POLR3B: variants seen among roughly 807,000 people sequenced by gnomAD.
The protein encoded by POLR3B is RNA polymerase III subunit B, also known as DNA-directed RNA polymerase III subunit RPC2.
A neutral mutation model predicts 147.4 loss-of-function variants in POLR3B; 96 were observed. The observed-to-expected ratio is 0.65, with a 90% CI of 0.55 to 0.77. The LOEUF (loss-of-function observed/expected upper bound fraction) is 0.77, where lower values mean the gene tolerates loss of function less well. Among genes scored for constraint, POLR3B ranks in the 30% least tolerant of loss-of-function variants. POLR3B has a pLI of 0.00. For synonymous variants in POLR3B, 461 were observed against 485.9 expected (o/e 0.95, Z 0.67); for missense variants, 1,036 against 1,413.5 (o/e 0.73, Z 4.28).
chr12:106,480,474 C>T (rs2038250752), intron 23 of POLR3B, among the ~76,000 whole-genome samples: 1 of 152,110 alleles, frequency 6.6e-6, no homozygotes, highest in South Asian at 2.1e-4. Flanking sequence ...AGCTGACCTC[C>T]AGGAGTCAGG....
chr12:106,497,032 C>G (rs548375623), intron 25 of POLR3B, 114 bp downstream of exon 25: 1 of 1,050,388 alleles, frequency 9.5e-7, no homozygotes, highest in African/African-American at 1.6e-5. Context: ...TTGTACAGCC[C>G]GTGGGCGGCA....
chr12:106,460,461 A>G (rs916193039), intron 22 of POLR3B, among the ~76,000 whole-genome samples: 5 of 152,218 alleles, frequency 3.3e-5, no homozygotes, highest in African/African-American at 9.6e-5. Flanking sequence ...ATTTGAAGTC[A>G]TGCAATCTGG....
At chr12:106,381,094 T>G (rs781344377) in intron 9 of POLR3B, among the ~76,000 whole-genome samples, 1 of 152,232 alleles carries the variant, frequency 6.6e-6, no homozygotes, top group Non-Finnish European at 1.5e-5. Context: ...CAGTGAGTTA[T>G]AGTCTTTTTA....
intron 1 of POLR3B, among the ~76,000 whole-genome samples, chr12:106,360,997 G>T (rs1196557190): frequency 6.6e-6 from 1 of 152,176 alleles, no homozygotes; most frequent in Non-Finnish European, 1.5e-5. Context: ...AAGCATTCCA[G>T]ATAGAAGGAG....
At chr12:106,477,891 C>CCTTTTTTTTTTTTTTTTT (rs1565909279) in intron 23 of POLR3B, among the ~76,000 whole-genome samples, 2 of 70,478 alleles carry the variant, frequency 2.8e-5, no homozygotes, top group Non-Finnish European at 5.0e-5. Flanking sequence ...GGCTCCTCCC[C>CCTTTTTTTTTTTTTTTTT]TTTTTTTTTT....
chr12:106,488,458 T>C (rs553494120), intron 23 of POLR3B, among the ~76,000 whole-genome samples: 50 of 152,334 alleles, frequency 3.3e-4, no homozygotes, highest in African/African-American at 1.0e-3. Flanking sequence ...TTTAAATTCA[T>C]TTGGGGAGAA....
rs144344778 is a variant in POLR3B, at chr12:106,500,529, G to A, written c.2985-794G>A. ...CCACGGTATCAAAAGGGGCAAGTGC[G>A]CCAAAGGGTCAGGTTGAGACAGGGC... On this transcript the variant is annotated intron_variant, in intron 25 of 27. Transcript: ENST00000228347. 5.7e-3 allele frequency among the ~76,000 whole-genome samples: 872 copies of A among 152,296 alleles called. 8 individuals are homozygous for A. Among genetic ancestry groups the A allele is most frequent in the African/African-American group, 0.02 (816 of 41,544 alleles).
chr12:106,418,265 A>T (rs2037331991), intron 12 of POLR3B, among the ~76,000 whole-genome samples: 1 of 152,132 alleles, frequency 6.6e-6, no homozygotes, highest in Non-Finnish European at 1.5e-5. Context: ...CTTTGTCTGC[A>T]AATTTTTTGT....
Position 106,357,836 on chromosome 12 carries a change from C to A in POLR3B, c.-44C>A. The stretch of plus-strand genomic sequence containing the variant: ...TGCAGTTTGCTTGGTGCAGGGAAGG[C>A]GGGCGCGGAGGTTCTATCTGTTTCT... On this transcript the variant is annotated 5_prime_UTR_variant, in exon 1 of 28. Transcript: ENST00000228347. The A allele has an allele frequency of 6.3e-7, 1 of 1,583,314 alleles. No homozygotes were observed. The highest frequency in any genetic ancestry group is 8.6e-7 in the Non-Finnish European group (1 of 1,158,842).
intron 4 of POLR3B, among the ~76,000 whole-genome samples, chr12:106,369,028 A>G (rs2036568496): frequency 6.6e-6 from 1 of 152,054 alleles, no homozygotes; most frequent in African/African-American, 2.4e-5. Flanking sequence ...AGGGAGCTGT[A>G]TTTCCAGTAT....
intron 23 of POLR3B, among the ~76,000 whole-genome samples, chr12:106,494,601 G>A (rs1040483963): frequency 1.3e-5 from 2 of 152,160 alleles, no homozygotes; most frequent in Non-Finnish European, 2.9e-5. Context: ...AGATTTCCCA[G>A]TAGCCCTAGG....
chr12:106,394,664 A>T (rs2036957540), intron 10 of POLR3B, among the ~76,000 whole-genome samples: 1 of 152,190 alleles, frequency 6.6e-6, no homozygotes, highest in African/African-American at 2.4e-5. Flanking sequence ...GTAGGTTGGA[A>T]AATCATTCAT....
chr12:106,361,347 C>T (rs1477523554), intron 1 of POLR3B, among the ~76,000 whole-genome samples: 5 of 152,218 alleles, frequency 3.3e-5, no homozygotes, highest in South Asian at 2.1e-4. Flanking sequence ...TTAGGACTCC[C>T]GGGTATCTAA....
chr12:106,466,901 GTTC>G (rs1481027992), intron 23 of POLR3B, among the ~76,000 whole-genome samples: 2 of 152,180 alleles, frequency 1.3e-5, no homozygotes, highest in African/African-American at 4.8e-5. Flanking sequence ...CTCCAGCTTT[GTTC>G]TTCTTGCCCA....
Position 106,372,191 on chromosome 12 carries a change from A to C in POLR3B, c.404+2508A>C, listed in dbSNP as rs368649700. Among the ~76,000 whole-genome samples the C allele has an allele frequency of 2.6e-5, 4 of 152,274 alleles. No individual in the cohort carries two copies. The East Asian group carries it at 7.7e-4, about 29-fold the overall frequency. ...TGTACTTGGTTAGAAATCAAACAGT[A>C]CATAAAAACATTTGATTCAAAACAG... On this transcript the variant is annotated intron_variant, in intron 6 of 27. Transcript: ENST00000228347.
intron 10 of POLR3B, among the ~76,000 whole-genome samples, chr12:106,393,527 G>A (rs1019245152): frequency 2.8e-5 from 4 of 143,318 alleles, no homozygotes; most frequent in African/African-American, 7.6e-5. Flanking sequence ...GTGTGTGTGT[G>A]TGTATGTGTG....
chr12:106,408,695 CCT>C (rs2037181635), intron 11 of POLR3B, among the ~76,000 whole-genome samples: 1 of 152,120 alleles, frequency 6.6e-6, no homozygotes, highest in Non-Finnish European at 1.5e-5. Flanking sequence ...TTTTTCTCCC[CCT>C]CTTTCACATA....
At chr12:106,395,781 C>G in intron 10 of POLR3B, among the ~76,000 whole-genome samples, 1 of 152,046 alleles carries the variant, frequency 6.6e-6, no homozygotes. Flanking sequence ...CCCAGCCTGG[C>G]CAACATGGTG....
chr12:106,451,260 A>G (rs1369898062), intron 19 of POLR3B, among the ~76,000 whole-genome samples: 1 of 152,002 alleles, frequency 6.6e-6, no homozygotes. Flanking sequence ...AAGTTCTGAT[A>G]TATGTATATC....
Sources: gnomAD v4.1 joint callset for allele counts (sites outside exome capture counted in the v4.1 genomes callset) on GRCh38, gnomAD v4.1.1 for gene constraint, MANE v1.5 for transcripts, NCBI Gene and HGNC (gene_info 2026-07-23, HGNC 2026-07-21) for gene names.